TMEM182: variants seen among roughly 807,000 people sequenced by gnomAD.
TMEM182 encodes transmembrane protein 182.
In TMEM182, 20 loss-of-function variants were observed where a neutral mutation model predicts 26.8. The observed-to-expected ratio is 0.75, with a 90% CI of 0.53 to 1.09. The LOEUF (loss-of-function observed/expected upper bound fraction) is 1.09, where lower values mean the gene tolerates loss of function less well. Ranked by LOEUF, TMEM182 falls within the 50% of genes least tolerant of loss-of-function variation. The probability of loss-of-function intolerance (pLI) is 0.00; values close to 1 mark genes in which losing one functional copy is unlikely to be tolerated. For synonymous variants in TMEM182, 109 were observed against 102.2 expected, an observed-to-expected ratio of 1.07 and a Z score of -0.40; for missense variants, 277 against 275.5, an observed-to-expected ratio of 1.01 and a Z score of -0.04.
intron 3 of TMEM182, among the ~76,000 whole-genome samples, chr2:102,778,901 T>C (rs959784783): frequency 2.0e-5 from 3 of 152,134 alleles, no homozygotes; most frequent in African/African-American, 7.2e-5. Flanking sequence ...GAAGAATATA[T>C]ATTGTATTTA....
chr2:102,815,155 C>T lies in TMEM182; in HGVS notation c.*187C>T, dbSNP rs1412792213. On this transcript the variant is annotated 3_prime_UTR_variant, in exon 5 of 5. Transcript: ENST00000412401. ...AGAATCTCTCCAGACACCAGCAAGC[C>T]TCTATCTTGTCTAAGTGCTGTCAAG... 9.9e-6 allele frequency: 14 copies of T among 1,412,508 alleles called. No homozygotes were observed. Among genetic ancestry groups the T allele is most frequent in the Non-Finnish European group, 1.2e-5 (13 of 1,089,192 alleles). The allele number at this position is 1,412,508 out of a possible 1,614,324, so 87.5% of individuals were successfully genotyped here. A position where few individuals can be genotyped will look rare whatever the true frequency, so the allele number is the denominator to read the frequency against.
At chr2:102,740,218 T>C (rs2104625313) in intron 1 of TMEM182, among the ~76,000 whole-genome samples, 1 of 152,322 alleles carries the variant, frequency 6.6e-6, no homozygotes, top group Non-Finnish European at 1.5e-5. Flanking sequence ...CTGATATGTT[T>C]TGGCTTTGTG....
chr2:102,832,982 A>C (rs908731554), intron 3 of TMEM182, among the ~76,000 whole-genome samples: 1 of 152,178 alleles, frequency 6.6e-6, no homozygotes, highest in Non-Finnish European at 1.5e-5. Context: ...GAGTCTTTGA[A>C]ATACATCCCG....
At chr2:102,737,587 G>A (rs1340379677) in intron 1 of TMEM182, among the ~76,000 whole-genome samples, 2 of 152,178 alleles carry the variant, frequency 1.3e-5, no homozygotes, top group Non-Finnish European at 2.9e-5. Flanking sequence ...TGAGAAGAGT[G>A]GAAAGAAGAT....
At chr2:102,749,846 A>C (rs1349908053) in intron 1 of TMEM182, among the ~76,000 whole-genome samples, 1 of 152,068 alleles carries the variant, frequency 6.6e-6, no homozygotes, top group Non-Finnish European at 1.5e-5. Flanking sequence ...AAAAATACAA[A>C]TATTTGCTTC....
intron 3 of TMEM182, among the ~76,000 whole-genome samples, chr2:102,785,730 A>G (rs963393434): frequency 6.6e-6 from 1 of 152,210 alleles, no homozygotes; most frequent in African/African-American, 2.4e-5. Flanking sequence ...TACCTAAGAG[A>G]AAGATTCCAA....
In TMEM182 at chr2:102,817,204, G is replaced by C. The variant is rs928284769; in HGVS notation, c.*2236G>C. 2.0e-6 allele frequency: 2 copies of C among 985,234 alleles called. No individual in the cohort carries two copies. Among genetic ancestry groups the C allele is most frequent in the African/African-American group, 3.5e-5 (2 of 57,224 alleles). The allele number at this position is 985,234 out of a possible 1,614,324, so 61.0% of individuals were successfully genotyped here. ...ATTGTAGCAACCTTATATCTGATTT[G>C]AGATACTGTGTTGCCAAATGTCCAT... is the stretch of plus-strand genomic sequence containing the variant. On this transcript the variant is annotated 3_prime_UTR_variant, in exon 5 of 5. Coordinates refer to ENST00000412401, the MANE Select transcript of TMEM182 (RefSeq NM_144632.5).
chr2:102,777,512 A>G (rs1680969519), intron 3 of TMEM182, among the ~76,000 whole-genome samples: 1 of 152,012 alleles, frequency 6.6e-6, no homozygotes, highest in African/African-American at 2.4e-5. Context: ...TCTTTTACCA[A>G]TACTACAATT....
At chr2:102,756,806 A>G (rs1680051424) in intron 1 of TMEM182, among the ~76,000 whole-genome samples, 1 of 146,990 alleles carries the variant, frequency 6.8e-6, no homozygotes, top group South Asian at 2.2e-4. Flanking sequence ...ATTAAGCACA[A>G]TCCCATTCTT....
intron 4 of TMEM182, among the ~76,000 whole-genome samples, chr2:102,803,901 C>T (rs1035557719): frequency 1.3e-5 from 2 of 150,872 alleles, no homozygotes; most frequent in African/African-American, 2.4e-5. Flanking sequence ...GCAGCCCTGC[C>T]GTCCACACCT....
intron 3 of TMEM182, among the ~76,000 whole-genome samples, chr2:102,842,361 ATCC>A (rs1683369923): frequency 6.6e-6 from 1 of 152,070 alleles, no homozygotes; most frequent in African/African-American, 2.4e-5. Flanking sequence ...ATCTAAACAG[ATCC>A]TTGAACTTGC....
At chr2:102,753,117 C>T (rs1679923169) in intron 1 of TMEM182, among the ~76,000 whole-genome samples, 1 of 152,104 alleles carries the variant, frequency 6.6e-6, no homozygotes, top group Non-Finnish European at 1.5e-5. Context: ...TCTTTGGTCC[C>T]CAGTTTTGCT....
At chr2:102,801,049 A>G (rs143551867) in intron 4 of TMEM182, among the ~76,000 whole-genome samples, 66 of 152,160 alleles carry the variant, frequency 4.3e-4, no homozygotes, top group East Asian at 3.9e-3. Context: ...TATACATGTC[A>G]GATTTTTTTA....
At chr2:102,806,374 T>C (rs1682347774) in intron 4 of TMEM182, among the ~76,000 whole-genome samples, 1 of 152,154 alleles carries the variant, frequency 6.6e-6, no homozygotes, top group Non-Finnish European at 1.5e-5. Flanking sequence ...ACGAACGAGC[T>C]TGAGCCTGGA....
intron 1 of TMEM182, among the ~76,000 whole-genome samples, chr2:102,737,538 T>C (rs1679390908): frequency 6.6e-6 from 1 of 152,208 alleles, no homozygotes; most frequent in Admixed American, 6.5e-5. Flanking sequence ...GGGAGTGAGC[T>C]ACTTTAGAAA....
At chr2:102,806,039 CA>C (rs1682332303) in intron 4 of TMEM182, among the ~76,000 whole-genome samples, 1 of 152,188 alleles carries the variant, frequency 6.6e-6, no homozygotes, top group Admixed American at 6.5e-5. Flanking sequence ...ACTATTTACT[CA>C]GTACTAAGGG....
intron 1 of TMEM182, among the ~76,000 whole-genome samples, chr2:102,754,652 G>A (rs1262550958): frequency 6.6e-6 from 1 of 152,154 alleles, no homozygotes; most frequent in East Asian, 1.9e-4. Context: ...GCATGCTTGT[G>A]TTTTTAAACA....
Position 102,836,320 on chromosome 2 carries a change from G to A in TMEM182, c.326-7092G>A, listed in dbSNP as rs548835757. On this transcript the variant is annotated intron_variant, in intron 3 of 3. Coordinates refer to the TMEM182 transcript ENST00000486293. ...TAGAAGAAACCTCCAAATTATCTTC[G>A]AAAGTAGCTGCACAATGTTGCATTC... Among the ~76,000 whole-genome samples the A allele has an allele frequency of 5.9e-5, 9 of 152,234 alleles. 1 individual carries two copies. The South Asian group carries it at 8.3e-4, about 14-fold the overall frequency.
At chr2:102,758,231 A>C (rs1392351728), upstream of TMEM182, among the ~76,000 whole-genome samples, 1 of 152,034 alleles carries the variant, frequency 6.6e-6, no homozygotes, top group Non-Finnish European at 1.5e-5. Flanking sequence ...CCTTTCATTA[A>C]AAAAGAGAGA....
Sources: gnomAD v4.1 joint callset for allele counts (sites outside exome capture counted in the v4.1 genomes callset) on GRCh38, gnomAD v4.1.1 for gene constraint, MANE v1.5 for transcripts, NCBI Gene and HGNC (gene_info 2026-07-23, HGNC 2026-07-21) for gene names.